The following ILDR1 variants were observed in gnomAD, a reference collection of about 807,000 sequenced individuals.
ILDR1 encodes the protein immunoglobulin like domain containing receptor 1.
Under a neutral mutation model 62.4 loss-of-function variants are expected in ILDR1, and 56 were observed. The ratio of observed to expected loss-of-function variants is 0.90; its 90% CI spans 0.72 to 1.12. The LOEUF (loss-of-function observed/expected upper bound fraction) is 1.12, where lower values mean the gene tolerates loss of function less well. ILDR1 is among the 50% of genes most tolerant of loss of function. The pLI, the probability that ILDR1 is intolerant of heterozygous loss-of-function variation, is 0.00. For synonymous variants in ILDR1, 284 were observed against 277.8 expected (o/e 1.02, Z -0.22); for missense variants, 736 against 710.6 (o/e 1.04, Z -0.41).
the ILDR1 span, among the ~76,000 whole-genome samples, chr3:122,050,825 A>G: frequency 2.0e-5 from 3 of 152,034 alleles, no homozygotes; most frequent in African/African-American, 7.2e-5. Flanking sequence ...TTGAAAGGCA[A>G]CTCTAGTGAT....
the ILDR1 span, among the ~76,000 whole-genome samples, chr3:122,045,784 C>T: frequency 6.7e-6 from 1 of 149,218 alleles, no homozygotes; most frequent in Non-Finnish European, 1.5e-5. Context: ...GATCTTCCTC[C>T]ATCCTTTTAT....
At chr3:121,999,543 A>T (rs2071485964) in intron 5 of ILDR1, among the ~76,000 whole-genome samples, 1 of 152,228 alleles carries the variant, frequency 6.6e-6, no homozygotes, top group Non-Finnish European at 1.5e-5. Flanking sequence ...CCAAAGGAAG[A>T]TCACATTGAA....
At chr3:122,030,932 C>G in the ILDR1 span, among the ~76,000 whole-genome samples, 2 of 152,188 alleles carry the variant, frequency 1.3e-5, no homozygotes, top group Non-Finnish European at 2.9e-5. Flanking sequence ...ATCTTGGTGA[C>G]AAAATAGGGC....
upstream of ILDR1, among the ~76,000 whole-genome samples, chr3:122,023,788 ACAGCAGCAGCAGCAG>A (rs150002932): frequency 2.0e-5 from 3 of 151,222 alleles, no homozygotes; most frequent in African/African-American, 7.3e-5. Context: ...GGATCCTAGC[ACAGCAGCAGCAGCAG>A]CAGCAGCAGC....
At chr3:122,018,397 G>C (rs113066696) in intron 1 of ILDR1, among the ~76,000 whole-genome samples, 4,620 of 144,058 alleles carry the variant, frequency 0.032, 278 homozygotes, top group African/African-American at 0.11. Flanking sequence ...GTTGGGGTGG[G>C]GGGGGGGTAG....
chr3:122,007,369 A>G, intron 1 of ILDR1: 1 of 1,038,650 alleles, frequency 9.6e-7, no homozygotes, highest in Admixed American at 2.2e-5. Context: ...GGACATAGGA[A>G]GAAAGGAGTG....
At chr3:122,055,620 C>T in the ILDR1 span, 3 of 912,084 alleles carry the variant, frequency 3.3e-6, no homozygotes, top group Non-Finnish European at 5.3e-6. Context: ...AGTGGAGAAG[C>T]TTTCTTTTTC....
chr3:121,993,875 CT>C lies in ILDR1; in HGVS notation c.873del (p.Glu292AsnfsTer44). The C allele has an allele frequency of 6.2e-7, 1 of 1,614,114 alleles. No homozygotes were observed. The highest frequency in any genetic ancestry group is 1.1e-5 in the South Asian group (1 of 91,078). The stretch of plus-strand genomic sequence containing the variant: ...TGGGCCAGGTTGAGGTTCCGCAGTT[CT>C]TTCTCCAAATACTCCAGGACACCAT... ...IANGVLEYLE[K>X]ELRNLNLAQP... is the part of the protein sequence containing the mutation. On this transcript the variant is annotated frameshift_variant, in exon 7 of 8. Coordinates refer to ENST00000344209, the MANE Select transcript of ILDR1 (RefSeq NM_001199799.2). LOFTEE classifies it high-confidence loss of function.
At chr3:122,051,670 A>T in the ILDR1 span, among the ~76,000 whole-genome samples, 3 of 151,972 alleles carry the variant, frequency 2.0e-5, no homozygotes, top group Non-Finnish European at 4.4e-5. Context: ...CCGTTTCTTC[A>T]TATTTCTTAG....
At chr3:122,038,711 A>G in the ILDR1 span, among the ~76,000 whole-genome samples, 1 of 152,230 alleles carries the variant, frequency 6.6e-6, no homozygotes, top group Non-Finnish European at 1.5e-5. Context: ...TAAAATAGCT[A>G]TAATTAATAT....
the ILDR1 span, among the ~76,000 whole-genome samples, chr3:122,039,820 G>A: frequency 1.7e-3 from 258 of 152,092 alleles, no homozygotes; most frequent in Non-Finnish European, 2.4e-3. Context: ...AATGTATTAT[G>A]TGTTTATAAC....
chr3:122,008,716 C>A (rs4974397), intron 1 of ILDR1, among the ~76,000 whole-genome samples: 2 of 150,988 alleles, frequency 1.3e-5, no homozygotes, highest in African/African-American at 4.9e-5. Context: ...GCCTCAGCCT[C>A]CCAAGTAGCT....
chr3:122,005,218 T>TTC, intron 3 of ILDR1, 26 bp downstream of exon 3: 1 of 1,345,236 alleles, frequency 7.4e-7, no homozygotes. Flanking sequence ...CACCCCCAGT[T>TTC]CCCCTGACAC....
rs187211611 is a variant in ILDR1 at position 122,017,110 on chromosome 3, C to T, written c.58+4910G>A. 8.1e-4 allele frequency among the ~76,000 whole-genome samples: 123 copies of T among 152,016 alleles called. No homozygotes were observed. In the East Asian group the frequency reaches 0.012, roughly 14 times the overall value. On this transcript the variant is annotated intron_variant, in intron 1 of 7. Transcript: ENST00000344209. ...TTGCCCAGGCTGGAGTGAAATGGCGCGATCTCGGCTCACTGCAACCTCCGC... is the reference window on the plus strand; with the variant it reads ...TTGCCCAGGCTGGAGTGAAATGGCGTGATCTCGGCTCACTGCAACCTCCGC...
At chr3:121,991,211 A>T (rs1198476151) in intron 7 of ILDR1, among the ~76,000 whole-genome samples, 2 of 152,156 alleles carry the variant, frequency 1.3e-5, no homozygotes, top group African/African-American at 2.4e-5. Flanking sequence ...AAAGAAAAAA[A>T]AAAGAAAGCC....
intron 1 of ILDR1, among the ~76,000 whole-genome samples, chr3:122,016,613 G>A (rs1051920570): frequency 5.3e-5 from 8 of 152,324 alleles, no homozygotes; most frequent in African/African-American, 1.7e-4. Context: ...TGTATCTGGG[G>A]GGACAAGGCT....
Position 121,993,914 on chromosome 3 carries a change from G to A in ILDR1, c.835C>T (p.Pro279Ser). The part of the protein sequence containing the change: ...QMPMTQTTNQ[P>S]PIANGVLEYL... ...TCCAGGACACCATTGGCGATGGGAGGCTGATTGGTGGTCTGGGTCATTGGC... is the reference window on the plus strand; with the variant it reads ...TCCAGGACACCATTGGCGATGGGAGACTGATTGGTGGTCTGGGTCATTGGC... Residue 279 changes from proline to serine, a missense_variant, in exon 7 of 8, where the codon CCT becomes TCT. Coordinates refer to ENST00000344209, the MANE Select transcript of ILDR1 (RefSeq NM_001199799.2). 6.2e-7 allele frequency: 1 copy of A among 1,613,628 alleles called. No homozygotes were observed. The highest frequency in any genetic ancestry group is 1.3e-5 in the African/African-American group (1 of 75,052).
chr3:122,051,062 A>C, the ILDR1 span, among the ~76,000 whole-genome samples: 41 of 152,260 alleles, frequency 2.7e-4, 1 homozygote, highest in South Asian at 8.5e-3. Flanking sequence ...TGCTTTCAAA[A>C]TTCTCTTTTT....
chr3:122,031,061 A>G, the ILDR1 span, among the ~76,000 whole-genome samples: 2 of 152,200 alleles, frequency 1.3e-5, no homozygotes, highest in Non-Finnish European at 1.5e-5. Context: ...TATCTACTCC[A>G]AAGCTCATGG....
Sources: allele counts gnomAD v4.1 joint callset (sites outside exome capture counted in the v4.1 genomes callset), GRCh38; gene constraint gnomAD v4.1.1; transcripts MANE v1.5; gene names NCBI Gene and HGNC (gene_info 2026-07-23, HGNC 2026-07-21).